The following TRIM42 variants were observed in gnomAD, a reference collection of about 807,000 sequenced individuals.
TRIM42 encodes tripartite motif-containing protein 42.
TRIM42 carries 59 observed loss-of-function variants against 64.9 expected under a neutral mutation model. The observed-to-expected ratio is 0.91, with a 90% confidence interval of 0.74 to 1.13. The LOEUF is 1.13. Ranked by LOEUF, TRIM42 falls within the 50% of genes most tolerant of loss-of-function variation. The pLI is 0.00. For synonymous variants in TRIM42, 354 were observed against 346.3 expected, an observed-to-expected ratio of 1.02 and a Z score of -0.25; for missense variants, 878 against 929.5, an observed-to-expected ratio of 0.94 and a Z score of 0.72.
chr3:140,690,554 T>C (rs1988679531), intron 3 of TRIM42, among the ~76,000 whole-genome samples: 1 of 33,032 alleles, frequency 3.0e-5, no homozygotes, highest in Non-Finnish European at 1.2e-4. Flanking sequence ...TATATATATA[T>C]ATATATATAT....
At chr3:140,679,627 T>A (rs1050616991) in intron 1 of TRIM42, among the ~76,000 whole-genome samples, 2 of 152,170 alleles carry the variant, frequency 1.3e-5, no homozygotes, top group Non-Finnish European at 2.9e-5. Flanking sequence ...TCATAGTGTT[T>A]GCATAAATAG....
intron 3 of TRIM42, 54 bp downstream of exon 3, chr3:140,688,596 A>G (rs1463660622): frequency 1.4e-6 from 2 of 1,417,370 alleles, no homozygotes; most frequent in East Asian, 2.3e-5. Flanking sequence ...GGCACAGAGT[A>G]GAAGTGAGTA....
At chr3:140,697,166 G>C (rs540397537) in intron 4 of TRIM42, among the ~76,000 whole-genome samples, 6 of 152,230 alleles carry the variant, frequency 3.9e-5, no homozygotes, top group African/African-American at 1.4e-4. Flanking sequence ...TAAAGAACCT[G>C]TTGATATCCT....
At chr3:140,686,248 G>A (rs1401974248) in intron 2 of TRIM42, among the ~76,000 whole-genome samples, 1 of 152,154 alleles carries the variant, frequency 6.6e-6, no homozygotes, top group East Asian at 1.9e-4. Flanking sequence ...TAGAATTCTG[G>A]CTGCCACAGT....
At chr3:140,684,656 C>T (rs1988503563) in intron 2 of TRIM42, among the ~76,000 whole-genome samples, 1 of 152,172 alleles carries the variant, frequency 6.6e-6, no homozygotes, top group Non-Finnish European at 1.5e-5. Context: ...CCTTGCTTGT[C>T]AATTGACATT....
At chr3:140,691,826 A>G (rs908136632) in intron 4 of TRIM42, among the ~76,000 whole-genome samples, 2 of 152,214 alleles carry the variant, frequency 1.3e-5, no homozygotes, top group Non-Finnish European at 2.9e-5. Flanking sequence ...GGGAATACAC[A>G]TTCATGAGTA....
At chr3:140,680,871 G>C (rs1262700724) in intron 1 of TRIM42, among the ~76,000 whole-genome samples, 1 of 152,174 alleles carries the variant, frequency 6.6e-6, no homozygotes, top group Admixed American at 6.5e-5. Context: ...CTCAGACATA[G>C]GCTCCTGGCC....
At chr3:140,679,911 G>A (rs1477347796) in intron 1 of TRIM42, among the ~76,000 whole-genome samples, 3 of 150,088 alleles carry the variant, frequency 2.0e-5, no homozygotes, top group Non-Finnish European at 3.0e-5. Flanking sequence ...TTGGTCTGGG[G>A]TACCATCTGA....
In TRIM42 at chr3:140,688,339, C is replaced by T. The variant is rs368738538; in HGVS notation, c.1657C>T (p.Leu553=). The T allele has an allele frequency of 2.7e-5, 43 of 1,614,094 alleles. No individual in the cohort carries two copies. Among genetic ancestry groups the T allele is most frequent in the Non-Finnish European group, 3.5e-5 (41 of 1,180,046 alleles). Reference sequence around the variant, plus strand: ...CACTGACAAGAAGGCCAAGGTGGGTCTGGAGGCCTGTGGGAGAGCCCAGTC... The same window carrying T: ...CACTGACAAGAAGGCCAAGGTGGGTTTGGAGGCCTGTGGGAGAGCCCAGTC... ...SNTDKKAKVG[L]EACGRAQSAT... The change falls in exon 3 of 5, where the codon CTG becomes TTG. Residue 553 remains leucine (L), a synonymous_variant. Transcript: ENST00000286349.
chr3:140,697,552 G>A (rs1303912180), intron 4 of TRIM42, among the ~76,000 whole-genome samples: 1 of 152,106 alleles, frequency 6.6e-6, no homozygotes. Flanking sequence ...TGCCTATGTA[G>A]TCCTAGGTAG....
At position 140,678,368 on chromosome 3, in the gene TRIM42, G is replaced by T; in HGVS notation, c.139G>T (p.Glu47Ter). ...CTCFPCPYKD[E>*]RNCQFCHCTC... ...CTGCTTCCCCTGCCCTTACAAAGATGAGCGGAACTGCCAGTTCTGCCACTG... is the reference window on the plus strand; with the variant it reads ...CTGCTTCCCCTGCCCTTACAAAGATTAGCGGAACTGCCAGTTCTGCCACTG... The change falls in exon 1 of 5, where the codon GAG (glutamate) becomes TAG (stop). Residue 47 changes from glutamate to a stop codon, truncating the protein, a stop_gained. Transcript: ENST00000286349. LOFTEE classifies it high-confidence loss of function. The T allele has an allele frequency of 6.2e-7, 1 of 1,614,146 alleles. No homozygotes were observed. The highest frequency in any genetic ancestry group is 8.5e-7 in the Non-Finnish European group (1 of 1,180,028).
Position 140,682,819 on chromosome 3 carries a change from C to A in TRIM42, c.699C>A (p.Ser233=). 6.2e-7 allele frequency: 1 copy of A among 1,614,060 alleles called. No homozygotes were observed. Among genetic ancestry groups the A allele is most frequent in the Non-Finnish European group, 8.5e-7 (1 of 1,180,016 alleles). Residue 233 remains serine, a synonymous_variant, in exon 2 of 5, where the codon TCC becomes TCA. Coordinates refer to ENST00000286349, the MANE Select transcript of TRIM42 (RefSeq NM_152616.5). The stretch of plus-strand genomic sequence containing the variant: ...TCAAGTGGCGCTTTGACCGCTCCTC[C>A]GGGCCCATCCTCTGCCAGGTCTGCC... ...GYLKWRFDRS[S]GPILCQVCRN...
intron 2 of TRIM42, 58 bp downstream of exon 2, chr3:140,683,217 A>ACG: frequency 6.4e-7 from 1 of 1,567,562 alleles, no homozygotes; most frequent in Non-Finnish European, 8.7e-7. Context: ...CATGGGGAAG[A>ACG]TGGCGTGGGG....
At position 140,682,865 on chromosome 3, in the gene TRIM42, A is replaced by T. The variant is rs1265061613; in HGVS notation, c.745A>T (p.Lys249Ter). ...QVCRNKRIAY[K>*]RCITCRLNLC... The stretch of plus-strand genomic sequence containing the variant: ...CTGCCGCAACAAGCGCATCGCTTAC[A>T]AGCGCTGCATCACCTGCCGCCTCAA... The change falls in exon 2 of 5, where the codon AAG (lysine) becomes TAG (stop). Residue 249 changes from lysine to a stop codon, truncating the protein, a stop_gained. Coordinates refer to ENST00000286349, the MANE Select transcript of TRIM42 (RefSeq NM_152616.5). LOFTEE classifies it high-confidence loss of function. The T allele has an allele frequency of 1.2e-6, 2 of 1,614,060 alleles. No individual in the cohort carries two copies. Among genetic ancestry groups the T allele is most frequent in the Non-Finnish European group, 1.7e-6 (2 of 1,180,026 alleles).
In TRIM42 at chr3:140,688,266, C is replaced by A; in HGVS notation, c.1584C>A (p.Gly528=). 1.2e-6 allele frequency: 2 copies of A among 1,614,208 alleles called. No individual in the cohort carries two copies. The highest frequency in any genetic ancestry group is 1.1e-5 in the South Asian group (1 of 91,088). The change falls in exon 3 of 5, where the codon GGC becomes GGA. Residue 528 remains glycine, a synonymous_variant. Transcript: ENST00000286349. The stretch of plus-strand genomic sequence containing the variant: ...TCACTTTCAGCACCCACAGCCTCGG[C>A]AACCAGCACATATACCAGCGAAGCT... ...RKVTFSTHSL[G]NQHIYQRSSS...
intron 2 of TRIM42, among the ~76,000 whole-genome samples, chr3:140,684,801 C>G (rs1474800736): frequency 6.6e-6 from 1 of 152,198 alleles, no homozygotes; most frequent in Non-Finnish European, 1.5e-5. Context: ...CCTCCCTAGG[C>G]CAGGGCTTGG....
intron 1 of TRIM42, among the ~76,000 whole-genome samples, chr3:140,679,942 C>G (rs1289342368): frequency 6.7e-6 from 1 of 148,916 alleles, no homozygotes; most frequent in Non-Finnish European, 1.5e-5. Context: ...TAATTAGAAT[C>G]AACCCCCCCA....
Position 140,682,678 on chromosome 3 carries a change from C to A in TRIM42, c.558C>A (p.Leu186=). The part of the protein sequence containing the change: ...HAEVTENFFI[L]ICPVCDRSHC... ...AGGTCACCGAGAACTTCTTCATCCT[C>A]ATCTGCCCAGTGTGCGACCGCTCGC... The change falls in exon 2 of 5, where the codon CTC becomes CTA. Residue 186 remains leucine (L), a synonymous_variant. Transcript: ENST00000286349. 2 of 1,613,190 alleles carry A rather than the reference C, an allele frequency of 1.2e-6. No individual in the cohort carries two copies. Among genetic ancestry groups the A allele is most frequent in the Non-Finnish European group, 1.7e-6 (2 of 1,180,030 alleles).
chr3:140,684,256 C>T (rs189396865), intron 2 of TRIM42, among the ~76,000 whole-genome samples: 19 of 152,272 alleles, frequency 1.2e-4, no homozygotes, highest in Admixed American at 9.2e-4. Flanking sequence ...TATTTGACTC[C>T]AGTGCCTATC....
Sources: allele counts gnomAD v4.1 joint callset (sites outside exome capture counted in the v4.1 genomes callset), GRCh38; gene constraint gnomAD v4.1.1; transcripts MANE v1.5; gene names NCBI Gene and HGNC (gene_info 2026-07-23, HGNC 2026-07-21).